MAP3K5: variants seen among roughly 807,000 people sequenced by gnomAD.
MAP3K5 encodes ASK-1.
Under a neutral mutation model 158.7 loss-of-function variants are expected in MAP3K5, and 56 were observed. The ratio of observed to expected loss-of-function variants is 0.35; its 90% confidence interval spans 0.28 to 0.44. The LOEUF is 0.44. MAP3K5 is among the 20% of genes least tolerant of loss of function. The probability of loss-of-function intolerance (pLI) is 1.00; values close to 1 mark genes in which losing one functional copy is unlikely to be tolerated. For synonymous variants in MAP3K5, 579 were observed against 601.7 expected (o/e 0.96, Z 0.55); for missense variants, 1,294 against 1,674.8 (o/e 0.77, Z 3.97).
intron 25 of MAP3K5, among the ~76,000 whole-genome samples, chr6:136,570,661 G>A (rs1257643214): frequency 6.6e-6 from 1 of 152,114 alleles, no homozygotes; most frequent in Non-Finnish European, 1.5e-5. Context: ...TTTAAAAAGT[G>A]CATAACAGAA....
chr6:136,572,175 T>C (rs1774398343), intron 25 of MAP3K5, among the ~76,000 whole-genome samples: 2 of 152,210 alleles, frequency 1.3e-5, no homozygotes, highest in Non-Finnish European at 2.9e-5. Flanking sequence ...TTTAAGAAAG[T>C]GTGATTCTAG....
At chr6:136,791,515 C>G (rs1259355030) in intron 1 of MAP3K5, among the ~76,000 whole-genome samples, 195 bp downstream of exon 1, 5 of 152,218 alleles carry the variant, frequency 3.3e-5, no homozygotes, top group Non-Finnish European at 7.3e-5. Context: ...CACAAGTACA[C>G]ACAGACTCTT....
intron 1 of MAP3K5, among the ~76,000 whole-genome samples, chr6:136,779,715 C>T (rs944576892): frequency 2.0e-5 from 3 of 152,112 alleles, no homozygotes; most frequent in East Asian, 1.9e-4. Flanking sequence ...TTATATTCTC[C>T]TAGTATAAGA....
chr6:136,733,060 C>T (rs1782294557), intron 1 of MAP3K5, among the ~76,000 whole-genome samples: 2 of 152,168 alleles, frequency 1.3e-5, no homozygotes, highest in Admixed American at 1.3e-4. Context: ...AGTACAGTGG[C>T]ATAATCACGG....
intron 7 of MAP3K5, among the ~76,000 whole-genome samples, chr6:136,691,101 T>C (rs1480948373): frequency 6.6e-6 from 1 of 152,174 alleles, no homozygotes; most frequent in Non-Finnish European, 1.5e-5. Flanking sequence ...TTTTCTTGTA[T>C]TTCTGTTTTT....
At chr6:136,610,607 A>T (rs1032385910) in intron 18 of MAP3K5, among the ~76,000 whole-genome samples, 2 of 151,320 alleles carry the variant, frequency 1.3e-5, no homozygotes, top group African/African-American at 4.9e-5. Context: ...TAAAAAAAAA[A>T]AAAAAAAAAT....
At chr6:136,686,844 C>A (rs1562612764) in intron 7 of MAP3K5, among the ~76,000 whole-genome samples, 1 of 152,172 alleles carries the variant, frequency 6.6e-6, no homozygotes, top group South Asian at 2.1e-4. Context: ...AATGGCCATA[C>A]TGCCCAAAGT....
intron 2 of MAP3K5, among the ~76,000 whole-genome samples, chr6:136,718,433 C>T (rs1421798133): frequency 1.3e-5 from 2 of 152,144 alleles, no homozygotes; most frequent in African/African-American, 4.8e-5. Context: ...AACTCCTGGC[C>T]TCAAGTGATC....
intron 14 of MAP3K5, among the ~76,000 whole-genome samples, chr6:136,635,999 T>C (rs1209379150): frequency 1.3e-5 from 2 of 152,252 alleles, no homozygotes; most frequent in Non-Finnish European, 2.9e-5. Context: ...AGTGATCTAA[T>C]AAATAAGTAT....
At chr6:136,601,305 T>G (rs1775865311) in intron 20 of MAP3K5, among the ~76,000 whole-genome samples, 1 of 152,188 alleles carries the variant, frequency 6.6e-6, no homozygotes, top group South Asian at 2.1e-4. Flanking sequence ...GCTGGCAATC[T>G]TTTCTCTCTT....
At chr6:136,579,117 C>A (rs1774750871) in intron 25 of MAP3K5, among the ~76,000 whole-genome samples, 1 of 151,836 alleles carries the variant, frequency 6.6e-6, no homozygotes, top group South Asian at 2.1e-4. Context: ...TACAATAGAA[C>A]ATGTTTCTAA....
chr6:136,592,093 A>G, intron 23 of MAP3K5, 80 bp downstream of exon 23: 1 of 1,344,584 alleles, frequency 7.4e-7, no homozygotes, highest in Non-Finnish European at 1.0e-6. Flanking sequence ...CTTTCACATC[A>G]TCTGTGACAG....
chr6:136,652,601 C>G (rs1778567905), intron 10 of MAP3K5, among the ~76,000 whole-genome samples: 1 of 152,176 alleles, frequency 6.6e-6, no homozygotes, highest in South Asian at 2.1e-4. Flanking sequence ...CCCAAAACAT[C>G]ATCCAACTCT....
intron 8 of MAP3K5, among the ~76,000 whole-genome samples, chr6:136,662,225 T>C (rs970930734): frequency 6.6e-6 from 1 of 152,224 alleles, no homozygotes; most frequent in Non-Finnish European, 1.5e-5. Context: ...AATTTATACT[T>C]TCACTGGAGG....
intron 21 of MAP3K5, among the ~76,000 whole-genome samples, chr6:136,593,936 T>C (rs1189004531): frequency 2.6e-5 from 4 of 152,190 alleles, no homozygotes; most frequent in South Asian, 2.1e-4. Flanking sequence ...TGGTTTCAGC[T>C]GTAGCGAGAA....
intron 1 of MAP3K5, among the ~76,000 whole-genome samples, chr6:136,778,737 T>C (rs1243609100): frequency 6.6e-6 from 1 of 152,228 alleles, no homozygotes; most frequent in East Asian, 1.9e-4. Context: ...GGGTTCAGAA[T>C]TGGATTCTGC....
rs1583416805 is a variant in MAP3K5 at position 136,686,574 on chromosome 6, G to C, written c.1253+7566C>G. 2.6e-5 allele frequency among the ~76,000 whole-genome samples: 4 copies of C among 152,276 alleles called. No homozygotes were observed. The East Asian group carries it at 7.7e-4, about 29-fold the overall frequency. The stretch of plus-strand genomic sequence containing the variant: ...TAAGCTGGTAAGCAACTTCAGCAAA[G>C]TCTCAGGATACAAAATCAATGAGCA... On this transcript the variant is annotated intron_variant, in intron 7 of 29. Coordinates refer to ENST00000359015, the MANE Select transcript of MAP3K5 (RefSeq NM_005923.4).
chr6:136,655,027 T>C lies in MAP3K5; in HGVS notation c.1680+1280A>G, dbSNP rs540972134. Among the ~76,000 whole-genome samples, 9 of 152,348 alleles carry C rather than the reference T, an allele frequency of 5.9e-5. No individual in the cohort carries two copies. In the South Asian group the frequency reaches 1.9e-3, roughly 32 times the overall value. Reference sequence around the variant, plus strand: ...CTCCTAACTTCTCAATATTTTCTGGTTTATTTTTTACATTCACTTATTTAT... The same window carrying C: ...CTCCTAACTTCTCAATATTTTCTGGCTTATTTTTTACATTCACTTATTTAT... On this transcript the variant is annotated intron_variant, in intron 10 of 29. Coordinates refer to ENST00000359015, the MANE Select transcript of MAP3K5 (RefSeq NM_005923.4).
At chr6:136,736,335 C>G (rs1782460584) in intron 1 of MAP3K5, among the ~76,000 whole-genome samples, 1 of 152,200 alleles carries the variant, frequency 6.6e-6, no homozygotes, top group Non-Finnish European at 1.5e-5. Context: ...ATAATTTCAT[C>G]TAGTCAAAAT....
Sources: allele counts gnomAD v4.1 joint callset (sites outside exome capture counted in the v4.1 genomes callset), GRCh38; gene constraint gnomAD v4.1.1; transcripts MANE v1.5; gene names NCBI Gene and HGNC (gene_info 2026-07-23, HGNC 2026-07-21).